DNAH6: variants seen among roughly 807,000 people sequenced by gnomAD.
The protein encoded by DNAH6 is dynein axonemal heavy chain 6.
A neutral mutation model predicts 491.4 loss-of-function variants in DNAH6; 340 were observed. The observed-to-expected ratio is 0.69, with a 90% confidence interval of 0.63 to 0.76. The LOEUF is 0.76. Among genes scored for constraint, DNAH6 ranks in the 30% least tolerant of loss-of-function variants. The probability of loss-of-function intolerance (pLI) is 0.00; values close to 1 mark genes in which losing one functional copy is unlikely to be tolerated. For missense variants in DNAH6, 4,443 were observed against 4,972.2 expected (o/e 0.89, Z 3.20); for synonymous variants, 1,603 against 1,686.1 (o/e 0.95, Z 1.21).
chr2:84,459,610 A>C, the DNAH6 span: 1 of 270,808 alleles, frequency 3.7e-6, no homozygotes. Flanking sequence ...GAGCGAGGGA[A>C]GAGCGGCAGT....
chr2:84,537,370 A>C (rs1398691770), intron 4 of DNAH6, among the ~76,000 whole-genome samples: 1 of 152,010 alleles, frequency 6.6e-6, no homozygotes, highest in East Asian at 1.9e-4. Flanking sequence ...TTATGGGGTT[A>C]TTGCAAGAGA....
the DNAH6 span, among the ~76,000 whole-genome samples, chr2:84,494,418 C>G: frequency 6.6e-6 from 1 of 152,184 alleles, no homozygotes; most frequent in Non-Finnish European, 1.5e-5. Flanking sequence ...TCCTACTGTA[C>G]TCATTATGTC....
Position 84,579,535 on chromosome 2 carries a change from T to C in DNAH6, c.2085T>C (p.Asn695=). 5 of 1,613,830 alleles carry C rather than the reference T, an allele frequency of 3.1e-6. No individual in the cohort carries two copies. The highest frequency in any genetic ancestry group is 3.4e-6 in the Non-Finnish European group (4 of 1,179,872). The change falls in exon 14 of 77, where the codon AAT becomes AAC. Residue 695 remains asparagine (N), a synonymous_variant. Transcript: ENST00000389394. ...PSPLRCLEVL[N]FMLPRQSKKK... ...CGGTGTTTCTTTCTTAGGTGCTAAATTTTATGCTTCCTCGTCAAAGCAAGA... is the reference window on the plus strand; with the variant it reads ...CGGTGTTTCTTTCTTAGGTGCTAAACTTTATGCTTCCTCGTCAAAGCAAGA...
chr2:84,494,573 A>G, the DNAH6 span, among the ~76,000 whole-genome samples: 1 of 152,246 alleles, frequency 6.6e-6, no homozygotes, highest in African/African-American at 2.4e-5. Context: ...AATTAAGAGT[A>G]GAATAATATC....
In DNAH6 at chr2:84,544,279, A is replaced by G. The variant is rs764983103; in HGVS notation, c.709A>G (p.Ser237Gly). The stretch of plus-strand genomic sequence containing the variant: ...CAATAAAAATGACTACTATACTATT[A>G]GCCAAAGGGCAGTAACACACATTTA... ...NINKNDYYTI[S>G]QRAVTHIYNE... The change falls in exon 5 of 77, where the codon AGC becomes GGC. Residue 237 changes from serine (S) to glycine (G), a missense_variant. Transcript: ENST00000389394. 219 of 1,516,462 alleles carry G rather than the reference A, an allele frequency of 1.4e-4. 1 individual carries two copies. The highest frequency in any genetic ancestry group is 1.8e-4 in the Non-Finnish European group (199 of 1,115,522). 93.9% of individuals were successfully genotyped at this position (1,516,462 alleles called of 1,614,324 possible).
chr2:84,542,612 G>A (rs987364922), intron 4 of DNAH6, among the ~76,000 whole-genome samples: 1 of 152,072 alleles, frequency 6.6e-6, no homozygotes, highest in African/African-American at 2.4e-5. Context: ...CACATGAACA[G>A]CTGTTGGTTT....
intron 62 of DNAH6, among the ~76,000 whole-genome samples, chr2:84,738,253 G>C (rs901632476): frequency 6.6e-6 from 1 of 152,108 alleles, no homozygotes; most frequent in Non-Finnish European, 1.5e-5. Context: ...ATTGAGACTT[G>C]CTTTATGACC....
Position 84,707,030 on chromosome 2 carries a change from CAT to C in DNAH6, c.8851+13_8851+14del. ...AAAAAGAAAGCCTGGGTAAGTAACT[CAT>C]AAAATTTACATTGGCCAGGAAATGC... On this transcript the variant is annotated intron_variant, in intron 53 of 76. Coordinates refer to ENST00000389394, the MANE Select transcript of DNAH6 (RefSeq NM_001370.2). The C allele has an allele frequency of 6.7e-7, 1 of 1,501,264 alleles. No homozygotes were observed. Among genetic ancestry groups the C allele is most frequent in the East Asian group, 2.5e-5 (1 of 39,290 alleles). The allele number at this position is 1,501,264 out of a possible 1,614,324, so 93.0% of individuals were successfully genotyped here.
At chr2:84,483,227 G>A in the DNAH6 span, among the ~76,000 whole-genome samples, 1 of 152,062 alleles carries the variant, frequency 6.6e-6, no homozygotes, top group East Asian at 1.9e-4. Context: ...GCATCCCAAA[G>A]TGCTGGGATT....
intron 60 of DNAH6, among the ~76,000 whole-genome samples, chr2:84,725,268 T>A (rs1558964743): frequency 2.0e-5 from 3 of 152,196 alleles, no homozygotes. Context: ...GTACCCTCGA[T>A]AATGGTTGGA....
At chr2:84,753,170 T>G (rs757190992) in intron 63 of DNAH6, among the ~76,000 whole-genome samples, 1 of 152,234 alleles carries the variant, frequency 6.6e-6, no homozygotes, top group Non-Finnish European at 1.5e-5. Flanking sequence ...TTGTGCTTTT[T>G]GGCTATTTGT....
upstream of DNAH6, among the ~76,000 whole-genome samples, chr2:84,516,131 A>G (rs1444938093): frequency 6.6e-6 from 1 of 152,214 alleles, no homozygotes; most frequent in Non-Finnish European, 1.5e-5. Flanking sequence ...AATTTCTATT[A>G]AAGTGAACGT....
At chr2:84,501,438 G>T in the DNAH6 span, among the ~76,000 whole-genome samples, 1 of 151,624 alleles carries the variant, frequency 6.6e-6, no homozygotes, top group African/African-American at 2.4e-5. Context: ...GTATTTTACT[G>T]AGGATTTCTT....
At position 84,797,558 on chromosome 2, in the gene DNAH6, C is replaced by A; in HGVS notation, c.11381C>A (p.Ala3794Asp). The A allele has an allele frequency of 6.4e-7, 1 of 1,551,822 alleles. No homozygotes were observed. Among genetic ancestry groups the A allele is most frequent in the South Asian group, 1.2e-5 (1 of 84,034 alleles). Residue 3794 changes from alanine (A) to aspartate (D), a missense_variant, in exon 70 of 77, where the codon GCT (alanine) becomes GAT (aspartate). Transcript: ENST00000389394. The part of the protein sequence containing the change: ...SESGIYFAPM[A>D]DSLQEFKDYI... ...ACAGGCATCTATTTTGCACCCATGG[C>A]TGACAGCCTACAAGAGTTTAAGGAC...
chr2:84,484,933 A>G, the DNAH6 span, among the ~76,000 whole-genome samples: 5 of 152,192 alleles, frequency 3.3e-5, no homozygotes, highest in Non-Finnish European at 5.9e-5. Flanking sequence ...CTTGTATTCC[A>G]GAGATTCTAT....
intron 37 of DNAH6, among the ~76,000 whole-genome samples, chr2:84,667,436 C>T (rs1030577704): frequency 9.2e-5 from 14 of 152,056 alleles, no homozygotes; most frequent in African/African-American, 1.4e-4. Context: ...AAAAAGTGGG[C>T]GAAGGATGTG....
intron 11 of DNAH6, among the ~76,000 whole-genome samples, chr2:84,564,319 AG>A (rs1265365751): frequency 6.6e-6 from 1 of 152,128 alleles, no homozygotes; most frequent in African/African-American, 2.4e-5. Flanking sequence ...TGATTCTTCC[AG>A]TCCACGAGCA....
intron 16 of DNAH6, 98 bp from the exon 17 acceptor site, chr2:84,593,874 C>A: frequency 1.7e-6 from 1 of 573,494 alleles, no homozygotes; most frequent in Non-Finnish European, 2.9e-6. Flanking sequence ...CACATTCTTC[C>A]AAGCAATCAC....
chr2:84,698,731 C>T (rs1695616645), intron 47 of DNAH6, among the ~76,000 whole-genome samples: 1 of 152,220 alleles, frequency 6.6e-6, no homozygotes, highest in Non-Finnish European at 1.5e-5. Flanking sequence ...AAGAGATATG[C>T]ACCTGTATGT....
Sources: gnomAD v4.1 joint callset for allele counts (sites outside exome capture counted in the v4.1 genomes callset) on GRCh38, gnomAD v4.1.1 for gene constraint, MANE v1.5 for transcripts, NCBI Gene and HGNC (gene_info 2026-07-23, HGNC 2026-07-21) for gene names.